IRF2: variants seen among roughly 807,000 people sequenced by gnomAD.
IRF2 encodes interferon regulatory factor 2.
Under a neutral mutation model 40.6 loss-of-function variants are expected in IRF2, and 15 were observed. That is an observed-to-expected ratio of 0.37 (90% confidence interval 0.25 to 0.57). The LOEUF (loss-of-function observed/expected upper bound fraction) is 0.57. Among genes scored for constraint, IRF2 ranks in the 20% least tolerant of loss-of-function variants. The pLI, the probability that IRF2 is intolerant of heterozygous loss-of-function variation, is 0.77. For missense variants in IRF2, 317 were observed against 455.7 expected, an observed-to-expected ratio of 0.70 and a Z score of 2.77; for synonymous variants, 151 against 165.5, an observed-to-expected ratio of 0.91 and a Z score of 0.67.
At chr4:184,390,144 G>A (rs933685163) in intron 8 of IRF2, among the ~76,000 whole-genome samples, 4 of 152,154 alleles carry the variant, frequency 2.6e-5, no homozygotes, top group Non-Finnish European at 5.9e-5. Flanking sequence ...CCCCCAGCAG[G>A]TGGCCAGCAG....
chr4:184,421,515 G>A (rs965611018), intron 2 of IRF2, among the ~76,000 whole-genome samples: 5 of 152,106 alleles, frequency 3.3e-5, no homozygotes, highest in African/African-American at 1.2e-4. Context: ...GAATACAAGT[G>A]AAAATTCATT....
At chr4:184,391,907 T>C (rs929026835) in intron 7 of IRF2, among the ~76,000 whole-genome samples, 3 of 152,214 alleles carry the variant, frequency 2.0e-5, no homozygotes, top group Non-Finnish European at 4.4e-5. Flanking sequence ...GAGGATTACA[T>C]GGAGAGTGAG....
chr4:184,398,814 C>T, intron 7 of IRF2, 101 bp downstream of exon 7: 2 of 1,056,060 alleles, frequency 1.9e-6, no homozygotes, highest in Non-Finnish European at 2.7e-6. Context: ...ACTCCTAGGA[C>T]AGAGGAGGGA....
intron 1 of IRF2, among the ~76,000 whole-genome samples, chr4:184,433,082 G>C (rs1486766466): frequency 6.6e-6 from 1 of 152,148 alleles, no homozygotes; most frequent in African/African-American, 2.4e-5. Context: ...ACCATGCCTA[G>C]GATTTTGGTC....
In IRF2 at chr4:184,434,025, C is replaced by T. The variant is rs143631920; in HGVS notation, c.-6-4955G>A. 4.3e-3 allele frequency among the ~76,000 whole-genome samples: 662 copies of T among 152,290 alleles called. 10 individuals carry two copies. The highest frequency in any genetic ancestry group is 0.028 in the Admixed American group (435 of 15,302). On this transcript the variant is annotated intron_variant, in intron 1 of 8. Coordinates refer to ENST00000393593, the MANE Select transcript of IRF2 (RefSeq NM_002199.4). ...GACTGAGATGACAGGCACAGAGGGT[C>T]AGAGGACTGAGGACTGGAAAGAAAG...
At chr4:184,403,102 T>C (rs193207437) in intron 6 of IRF2, among the ~76,000 whole-genome samples, 309 of 152,280 alleles carry the variant, frequency 2.0e-3, no homozygotes, top group Middle Eastern at 0.01. Flanking sequence ...AGGAGTGTGT[T>C]GCTTTATGCC....
intron 1 of IRF2, among the ~76,000 whole-genome samples, chr4:184,450,797 T>A (rs1455301168): frequency 1.7e-5 from 1 of 59,704 alleles, no homozygotes; most frequent in Non-Finnish European, 5.0e-5. Context: ...AAACTAAAGT[T>A]ATTATAAAAA....
intron 1 of IRF2, among the ~76,000 whole-genome samples, chr4:184,441,725 C>T (rs983089015): frequency 1.3e-5 from 2 of 152,132 alleles, no homozygotes; most frequent in South Asian, 2.1e-4. Flanking sequence ...GAGTATTAAG[C>T]GCTTAGCAGT....
At chr4:184,461,818 C>G (rs1035036729) in intron 1 of IRF2, among the ~76,000 whole-genome samples, 8 of 152,104 alleles carry the variant, frequency 5.3e-5, no homozygotes, top group Non-Finnish European at 1.0e-4. Flanking sequence ...TCAATTCACC[C>G]TGACTTCACC....
chr4:184,473,389 G>A (rs1399535331), intron 1 of IRF2, among the ~76,000 whole-genome samples: 1 of 147,234 alleles, frequency 6.8e-6, no homozygotes, highest in Non-Finnish European at 1.5e-5. Flanking sequence ...GGCCGGGGGC[G>A]CCTGCGGGGA....
rs547460663 is a variant in IRF2 at position 184,430,220 on chromosome 4, T to C, written c.-6-1150A>G. On this transcript the variant is annotated intron_variant, in intron 1 of 8. Coordinates refer to ENST00000393593, the MANE Select transcript of IRF2 (RefSeq NM_002199.4). The stretch of plus-strand genomic sequence containing the variant: ...TCCCTGCGCCCAGAACATGCCAGAG[T>C]TACAAGCATCCTTCCGTGACCCCCA... 2.0e-5 allele frequency among the ~76,000 whole-genome samples: 3 copies of C among 152,048 alleles called. No homozygotes were observed. The South Asian group carries it at 6.2e-4, about 32-fold the overall frequency.
intron 1 of IRF2, among the ~76,000 whole-genome samples, chr4:184,464,577 T>C (rs1464367803): frequency 6.6e-6 from 1 of 152,180 alleles, no homozygotes; most frequent in Non-Finnish European, 1.5e-5. Context: ...GAGAATTAGA[T>C]CTGTAGCCAT....
chr4:184,434,556 C>A (rs150228682), intron 1 of IRF2, among the ~76,000 whole-genome samples: 2 of 152,194 alleles, frequency 1.3e-5, no homozygotes, highest in Admixed American at 1.3e-4. Context: ...TGGAGCCTGA[C>A]GAAAGGCACG....
At chr4:184,443,286 G>A (rs1286547175) in intron 1 of IRF2, among the ~76,000 whole-genome samples, 1 of 152,112 alleles carries the variant, frequency 6.6e-6, no homozygotes, top group Admixed American at 6.5e-5. Flanking sequence ...ATGATACTGG[G>A]GTTTGGGCTC....
intron 2 of IRF2, 42 bp downstream of exon 2, chr4:184,428,936 C>T (rs1737768913): frequency 6.7e-7 from 1 of 1,496,946 alleles, no homozygotes; most frequent in Non-Finnish European, 9.3e-7. Flanking sequence ...CGTGTTTCAG[C>T]CAGGACCTCT....
chr4:184,470,580 A>G (rs893550208), intron 1 of IRF2, among the ~76,000 whole-genome samples: 1 of 151,496 alleles, frequency 6.6e-6, no homozygotes, highest in South Asian at 2.1e-4. Context: ...AGTCCCAACT[A>G]CTCGGGAAGC....
intron 2 of IRF2, among the ~76,000 whole-genome samples, chr4:184,424,063 TAC>T (rs5864888): frequency 0.55 from 82,763 of 150,642 alleles, 22,626 homozygotes; most frequent in Admixed American, 0.59. Context: ...TACACACAGA[TAC>T]ACACACACAC....
chr4:184,428,173 T>G (rs1293243093), intron 2 of IRF2, among the ~76,000 whole-genome samples: 1 of 152,184 alleles, frequency 6.6e-6, no homozygotes, highest in African/African-American at 2.4e-5. Flanking sequence ...GGCTGCTTTC[T>G]TAGGAAAGGT....
rs925394079 is a variant in IRF2, at chr4:184,389,014, T to C, written c.794A>G (p.Asn265Ser). ...CAGGTAGGAGCCTCGAGTCCCCATG[T>C]TGCTGAGGTACTGTTTGCCTTCAAT... The part of the protein sequence containing the change: ...RNIEGKQYLS[N>S]MGTRGSYLLP... Residue 265 changes from asparagine (N) to serine (S), a missense_variant, in exon 9 of 9, where the codon AAC (asparagine) becomes AGC (serine). Physicochemically the swap from Asn to Ser is conservative, Grantham distance 46. Coordinates refer to ENST00000393593, the MANE Select transcript of IRF2 (RefSeq NM_002199.4). 3.1e-6 allele frequency: 5 copies of C among 1,614,084 alleles called. No individual in the cohort carries two copies. The highest frequency in any genetic ancestry group is 4.2e-6 in the Non-Finnish European group (5 of 1,180,038).
Sources: allele counts gnomAD v4.1 joint callset (sites outside exome capture counted in the v4.1 genomes callset), GRCh38; gene constraint gnomAD v4.1.1; transcripts MANE v1.5; gene names NCBI Gene and HGNC (gene_info 2026-07-23, HGNC 2026-07-21).